Variants in KLK12 observed in about 807,000 individuals in gnomAD.
KLK12 encodes the protein kallikrein related peptidase 12, also known as kallikrein-12.
KLK12 carries 23 observed loss-of-function variants against 20.0 expected under a neutral mutation model. The observed-to-expected ratio is 1.15, with a 90% CI of 0.83 to 1.63. The LOEUF (loss-of-function observed/expected upper bound fraction) is 1.63, where lower values mean the gene tolerates loss of function less well. Among genes scored for constraint, KLK12 ranks in the 40% most tolerant of loss-of-function variants. The probability of loss-of-function intolerance (pLI) is 0.00; values close to 1 mark genes in which losing one functional copy is unlikely to be tolerated. For synonymous variants in KLK12, 147 were observed against 141.9 expected, an observed-to-expected ratio of 1.04 and a Z score of -0.25; for missense variants, 351 against 338.6, an observed-to-expected ratio of 1.04 and a Z score of -0.29.
intron 4 of KLK12, 99 bp from the exon 5 acceptor site, chr19:51,031,020 T>TG: frequency 7.1e-7 from 1 of 1,399,298 alleles, no homozygotes; most frequent in Non-Finnish European, 1.0e-6. Context: ...TCAATACCCC[T>TG]GCCCCTCACC....
At chr19:51,030,960 C>T (rs1352004046) in intron 4 of KLK12, 39 bp from the exon 5 acceptor site, 16 of 1,613,454 alleles carry the variant, frequency 9.9e-6, no homozygotes, top group Middle Eastern at 3.3e-4. Flanking sequence ...TCCCCTAAAT[C>T]TCCCCACTTT....
At position 51,029,202 on chromosome 19, in the gene KLK12, C is replaced by A. The variant is rs143216918; in HGVS notation, c.*100G>T. 6.3e-5 allele frequency: 102 copies of A among 1,613,678 alleles called. No homozygotes were observed. The East Asian group carries it at 2.1e-3, about 32-fold the overall frequency. On this transcript the variant is annotated 3_prime_UTR_variant, in exon 6 of 6. Coordinates refer to ENST00000684732, the MANE Select transcript of KLK12 (RefSeq NM_001370125.1). ...AAGTTCCAAGAAGTTCCCAGGCCAACAAGAGTGGAGCTAGGGGAAGTGATG... is the reference window on the plus strand; with the variant it reads ...AAGTTCCAAGAAGTTCCCAGGCCAAAAAGAGTGGAGCTAGGGGAAGTGATG...
At chr19:51,031,724 A>C (rs903949365) in intron 4 of KLK12, 152 bp downstream of exon 4, 91 of 924,074 alleles carry the variant, frequency 9.8e-5, no homozygotes, top group Non-Finnish European at 1.3e-4. Flanking sequence ...AATCCACCAT[A>C]ATCTCTGACC....
In KLK12 at chr19:51,032,120, G is replaced by T; in HGVS notation, c.213C>A (p.Arg71=). The part of the protein sequence containing the change: ...AHCSGSRYWV[R]LGEHSLSQLD... ...GCTGGCTGAGGCTGTGTTCCCCCAG[G>T]CGCACCCAGTACCTGCTGCCGGTGG... The change falls in exon 4 of 6, where the codon CGC becomes CGA. Residue 71 remains arginine (R), a synonymous_variant. Transcript: ENST00000684732. The T allele has an allele frequency of 2.5e-6, 4 of 1,602,496 alleles. No homozygotes were observed. The highest frequency in any genetic ancestry group is 3.4e-6 in the Non-Finnish European group (4 of 1,177,824).
At chr19:51,029,551 G>T in intron 5 of KLK12, 94 bp from the exon 6 acceptor site, 1 of 1,034,596 alleles carries the variant, frequency 9.7e-7, no homozygotes, top group Non-Finnish European at 1.5e-6. Flanking sequence ...CCTTGGGGAG[G>T]GCTCCAAGTC....
chr19:51,034,700 C>T (rs907568297), intron 1 of KLK12, 60 bp from the exon 2 acceptor site: 5 of 1,559,252 alleles, frequency 3.2e-6, no homozygotes, highest in Non-Finnish European at 4.3e-6. Flanking sequence ...CCTCTGCCCT[C>T]TCTGCTTCTC....
At position 51,029,253 on chromosome 19, in the gene KLK12, C is replaced by T; in HGVS notation, c.*49G>A. On this transcript the variant is annotated 3_prime_UTR_variant, in exon 6 of 6. Transcript: ENST00000684732. ...GAGGAGATATTGGTGCTCTGAGGGCCAGAGGGGTACCCAAGTTAAGGGGTG... is the reference window on the plus strand; with the variant it reads ...GAGGAGATATTGGTGCTCTGAGGGCTAGAGGGGTACCCAAGTTAAGGGGTG... 1 of 1,613,366 alleles carries T rather than the reference C, an allele frequency of 6.2e-7. No individual in the cohort carries two copies. The highest frequency in any genetic ancestry group is 8.5e-7 in the Non-Finnish European group (1 of 1,179,702).
Position 51,029,351 on chromosome 19 carries a change from T to C in KLK12, c.698A>G (p.Tyr233Cys). 2.5e-6 allele frequency: 4 copies of C among 1,614,062 alleles called. No homozygotes were observed. The highest frequency in any genetic ancestry group is 3.4e-6 in the Non-Finnish European group (4 of 1,179,996). The change falls in exon 6 of 6, where the codon TAT becomes TGT. Residue 233 changes from tyrosine (Y) to cysteine (C), a missense_variant. Transcript: ENST00000684732. Reference sequence around the variant, plus strand: ...GATCCAGTCCACATACTTGCAAATATAGGTGTAGACTCCAGGGATGCCATC... The same window carrying C: ...GATCCAGTCCACATACTTGCAAATACAGGTGTAGACTCCAGGGATGCCATC... ...GQDGIPGVYTYICKYVDWIRM... is the reference protein window; with the variant it reads ...GQDGIPGVYTCICKYVDWIRM...
At chr19:51,031,018 C>A (rs187058637) in intron 4 of KLK12, 97 bp from the exon 5 acceptor site, 2 of 1,441,076 alleles carry the variant, frequency 1.4e-6, no homozygotes, top group African/African-American at 2.8e-5. Context: ...TGTCAATACC[C>A]CTGCCCCTCA....
At chr19:51,031,770 G>T in intron 4 of KLK12, 106 bp downstream of exon 4, 1 of 1,256,212 alleles carries the variant, frequency 8.0e-7, no homozygotes, top group South Asian at 1.2e-5. Context: ...CCCACACCCT[G>T]ACCCTTTACC....
intron 5 of KLK12, among the ~76,000 whole-genome samples, chr19:51,030,254 C>A (rs1291377009): frequency 1.3e-5 from 2 of 151,690 alleles, no homozygotes; most frequent in African/African-American, 4.8e-5. Context: ...CCCTCCCCCT[C>A]CTCCATTCCC....
Position 51,034,108 on chromosome 19 carries a change from G to T in KLK12, c.69C>A (p.Phe23Leu), listed in dbSNP as rs1475845001. 6.4e-7 allele frequency: 1 copy of T among 1,557,198 alleles called. No individual in the cohort carries two copies. Among genetic ancestry groups the T allele is most frequent in the Non-Finnish European group, 8.7e-7 (1 of 1,149,892 alleles). ...GLSQAATPKI[F>L]NGTECGRNSQ... ...AGTTACGCCCACACTCAGTGCCATTGAAAATCTTCGGTGTGGCTGCCTGGC... is the reference window on the plus strand; with the variant it reads ...AGTTACGCCCACACTCAGTGCCATTTAAAATCTTCGGTGTGGCTGCCTGGC... Residue 23 changes from phenylalanine to leucine, a missense_variant, in exon 3 of 6, where the codon TTC becomes TTA. By Grantham distance (22) the Phe-to-Leu change is conservative. Coordinates refer to ENST00000684732, the MANE Select transcript of KLK12 (RefSeq NM_001370125.1).
chr19:51,031,066 T>C (rs916707204), intron 4 of KLK12, 145 bp from the exon 5 acceptor site: 1 of 861,634 alleles, frequency 1.2e-6, no homozygotes, highest in Non-Finnish European at 2.0e-6. Flanking sequence ...CCAAGTTACA[T>C]ATTTATGACT....
intron 3 of KLK12, 117 bp downstream of exon 3, chr19:51,033,863 G>C (rs1216772007): frequency 9.4e-7 from 1 of 1,062,516 alleles, no homozygotes; most frequent in African/African-American, 1.6e-5. Flanking sequence ...TCTAACCTCA[G>C]ACTCTCTTGT....
At chr19:51,030,639 C>T (rs1434728278) in intron 5 of KLK12, 149 bp downstream of exon 5, 10 of 1,182,160 alleles carry the variant, frequency 8.5e-6, no homozygotes, top group Non-Finnish European at 1.2e-5. Flanking sequence ...TGTGAGCCTC[C>T]GTAACCAGCC....
chr19:51,033,912 T>A, intron 3 of KLK12, 68 bp downstream of exon 3: 1 of 1,478,806 alleles, frequency 6.8e-7, no homozygotes, highest in East Asian at 2.4e-5. Context: ...CCACCCTCCC[T>A]TGTGATCCTA....
chr19:51,031,029 C>T, intron 4 of KLK12, 108 bp from the exon 5 acceptor site: 1 of 1,275,474 alleles, frequency 7.8e-7, no homozygotes, highest in Non-Finnish European at 1.1e-6. Context: ...CTGCCCCTCA[C>T]CGACCTGTAC....
intron 3 of KLK12, among the ~76,000 whole-genome samples, chr19:51,033,123 T>G (rs2091576407): frequency 6.7e-6 from 1 of 148,896 alleles, no homozygotes; most frequent in Admixed American, 6.7e-5. Context: ...GGCTGAGGTG[T>G]GAGGATCACT....
In KLK12 at chr19:51,034,841, G is replaced by GTCAC. The variant is rs755615504; in HGVS notation, c.-59_-56dup. 242 of 1,439,406 alleles carry GTCAC rather than the reference G, an allele frequency of 1.7e-4. No homozygotes were observed. Among genetic ancestry groups the GTCAC allele is most frequent in the Non-Finnish European group, 2.1e-4 (232 of 1,096,992 alleles). 89.2% of individuals were successfully genotyped at this position (1,439,406 alleles called of 1,614,324 possible). On this transcript the variant is annotated 5_prime_UTR_variant, in exon 1 of 6. Coordinates refer to ENST00000684732, the MANE Select transcript of KLK12 (RefSeq NM_001370125.1). ...TGTCTGCCAGATCCTCTACGTGGCT[G>GTCAC]TCACTGTTTGGCCTGTCCTCGTCGC...
Sources: allele counts gnomAD v4.1 joint callset (sites outside exome capture counted in the v4.1 genomes callset), GRCh38; gene constraint gnomAD v4.1.1; transcripts MANE v1.5; gene names NCBI Gene and HGNC (gene_info 2026-07-23, HGNC 2026-07-21).